The following SNX24 variants were observed in gnomAD, a reference collection of about 807,000 sequenced individuals.
SNX24 encodes sorting nexin-24.
In SNX24, 22 loss-of-function variants were observed where a neutral mutation model predicts 28.7. That is an observed-to-expected ratio of 0.77 (90% CI 0.55 to 1.10). The LOEUF (loss-of-function observed/expected upper bound fraction) is 1.10, where lower values mean the gene tolerates loss of function less well. Among genes scored for constraint, SNX24 ranks in the 50% least tolerant of loss-of-function variants. The probability of loss-of-function intolerance (pLI) is 0.00; values close to 1 mark genes in which losing one functional copy is unlikely to be tolerated. For synonymous variants in SNX24, 69 were observed against 71.5 expected (o/e 0.96, Z 0.18); for missense variants, 221 against 201.1 (o/e 1.10, Z -0.60).
chr5:122,944,695 C>T (rs1046892457), intron 2 of SNX24, among the ~76,000 whole-genome samples: 4 of 152,156 alleles, frequency 2.6e-5, no homozygotes, highest in African/African-American at 9.7e-5. Context: ...GCAAAGGTGG[C>T]CGCTCTGCTC....
chr5:122,963,545 G>C (rs1425902454), intron 3 of SNX24, among the ~76,000 whole-genome samples: 2 of 152,146 alleles, frequency 1.3e-5, no homozygotes, highest in Non-Finnish European at 2.9e-5. Flanking sequence ...GTCCTTTTAA[G>C]GTGGCTGTGG....
downstream of SNX24, among the ~76,000 whole-genome samples, chr5:123,010,860 T>TA (rs34318779): frequency 0.2 from 29,783 of 151,878 alleles, 3,857 homozygotes; most frequent in Non-Finnish European, 0.3. Flanking sequence ...TATTTTTTTT[T>TA]ATTTAACAAT....
At chr5:122,938,451 A>C in intron 2 of SNX24, among the ~76,000 whole-genome samples, 1 of 152,196 alleles carries the variant, frequency 6.6e-6, no homozygotes, top group Admixed American at 6.5e-5. Context: ...CTCAATTTTG[A>C]ATATTGTTGG....
At chr5:122,852,248 G>T (rs1754957680) in intron 1 of SNX24, among the ~76,000 whole-genome samples, 2 of 151,904 alleles carry the variant, frequency 1.3e-5, no homozygotes, top group African/African-American at 4.8e-5. Flanking sequence ...ATGTGCCGTG[G>T]TGGTTTGCTG....
At position 123,008,037 on chromosome 5, in the gene SNX24, C is replaced by T. The variant is rs1762477070; in HGVS notation, c.*288C>T. 1.8e-6 allele frequency: 2 copies of T among 1,102,986 alleles called. No individual in the cohort carries two copies. The highest frequency in any genetic ancestry group is 4.0e-4 in the Middle Eastern group (1 of 2,494). 68.3% of individuals were successfully genotyped at this position (1,102,986 alleles called of 1,614,324 possible). On this transcript the variant is annotated 3_prime_UTR_variant, in exon 7 of 7. Coordinates refer to ENST00000261369, the MANE Select transcript of SNX24 (RefSeq NM_014035.4). ...GGAGGCCACAGGAGATTCCTGGGAG[C>T]ACTGGGTGTAGCAAAACAAAGCCAC... is the stretch of plus-strand genomic sequence containing the variant.
intron 5 of SNX24, chr5:123,023,234 T>C (rs1762787736): frequency 6.6e-6 from 1 of 152,236 alleles, no homozygotes; most frequent in African/African-American, 2.4e-5. Context: ...ATATGAGATG[T>C]GGATGGGCAT....
chr5:122,936,155 G>A (rs1393051196), intron 1 of SNX24, among the ~76,000 whole-genome samples: 3 of 152,168 alleles, frequency 2.0e-5, no homozygotes, highest in Admixed American at 6.5e-5. Flanking sequence ...AGCACAAGCT[G>A]TCACTTGTAT....
At chr5:122,905,581 A>T (rs1028043573) in intron 1 of SNX24, among the ~76,000 whole-genome samples, 2 of 152,236 alleles carry the variant, frequency 1.3e-5, no homozygotes, top group African/African-American at 2.4e-5. Flanking sequence ...ATGCTCAACC[A>T]GTAAGTATAA....
At chr5:122,877,301 A>C (rs991648265) in intron 1 of SNX24, among the ~76,000 whole-genome samples, 2 of 152,232 alleles carry the variant, frequency 1.3e-5, no homozygotes, top group South Asian at 4.1e-4. Context: ...TGTGTGAAGA[A>C]AACAAGGCTG....
chr5:122,933,155 G>C (rs973891219), intron 1 of SNX24, among the ~76,000 whole-genome samples: 2 of 152,146 alleles, frequency 1.3e-5, no homozygotes, highest in Admixed American at 1.3e-4. Flanking sequence ...TGTTAAACTG[G>C]ACTAAAACAG....
In SNX24 at chr5:122,936,772, T is replaced by C; in HGVS notation, c.99T>C (p.His33=). The C allele has an allele frequency of 6.2e-7, 1 of 1,608,404 alleles. No individual in the cohort carries two copies. Among genetic ancestry groups the C allele is most frequent in the Non-Finnish European group, 8.5e-7 (1 of 1,175,960 alleles). ...AAGTGCTAATGAATGGAAGAAAACATTTTGTTGAAAAGAGATACAGCGAAT... is the reference window on the plus strand; with the variant it reads ...AAGTGCTAATGAATGGAAGAAAACACTTTGTTGAAAAGAGATACAGCGAAT... The part of the protein sequence containing the change: ...KIEVLMNGRK[H]FVEKRYSEFH... The change falls in exon 2 of 7, where the codon CAT becomes CAC. Residue 33 remains histidine, a synonymous_variant. Coordinates refer to ENST00000261369, the MANE Select transcript of SNX24 (RefSeq NM_014035.4).
At chr5:122,993,058 G>A (rs1032956083) in intron 3 of SNX24, among the ~76,000 whole-genome samples, 6 of 150,804 alleles carry the variant, frequency 4.0e-5, no homozygotes, top group Non-Finnish European at 7.4e-5. Context: ...GGCATTCAGC[G>A]TTTAGTGCAG....
intron 1 of SNX24, among the ~76,000 whole-genome samples, chr5:122,849,510 G>A (rs553416246): frequency 3.3e-5 from 5 of 150,714 alleles, no homozygotes; most frequent in Non-Finnish European, 4.4e-5. Flanking sequence ...ATCTAATTAG[G>A]TTTTTGCTAG....
intron 1 of SNX24, among the ~76,000 whole-genome samples, chr5:122,915,084 A>G (rs547044555): frequency 2.8e-4 from 43 of 152,288 alleles, no homozygotes; most frequent in Middle Eastern, 3.4e-3. Context: ...GAATATTTGC[A>G]TTATACTTAG....
At chr5:123,004,676 G>C (rs922211748) in intron 6 of SNX24, among the ~76,000 whole-genome samples, 1 of 152,142 alleles carries the variant, frequency 6.6e-6, no homozygotes, top group Admixed American at 6.5e-5. Context: ...CCAGGCTCAT[G>C]TTCCTACTGG....
intron 1 of SNX24, among the ~76,000 whole-genome samples, chr5:122,866,766 AG>A (rs1755739226): frequency 6.6e-6 from 1 of 152,220 alleles, no homozygotes. Flanking sequence ...TACATAGCAG[AG>A]CAATACATGG....
intron 1 of SNX24, among the ~76,000 whole-genome samples, chr5:122,860,681 C>T (rs895348649): frequency 2.0e-5 from 3 of 152,178 alleles, no homozygotes; most frequent in Non-Finnish European, 1.5e-5. Flanking sequence ...ACTGCAAGCT[C>T]TGCCTCCCGG....
intron 5 of SNX24, among the ~76,000 whole-genome samples, chr5:123,017,642 G>A (rs1430592527): frequency 2.6e-5 from 4 of 152,026 alleles, no homozygotes; most frequent in Non-Finnish European, 4.4e-5. Context: ...CTCGTGTTGT[G>A]GGAGGGACCC....
chr5:122,849,371 G>T (rs922012331), intron 1 of SNX24, among the ~76,000 whole-genome samples: 16 of 152,124 alleles, frequency 1.1e-4, no homozygotes, highest in South Asian at 1.0e-3. Flanking sequence ...GAGCTAGGCC[G>T]GGAAAGGTTA....
Sources: allele counts gnomAD v4.1 joint callset (sites outside exome capture counted in the v4.1 genomes callset), GRCh38; gene constraint gnomAD v4.1.1; transcripts MANE v1.5; gene names NCBI Gene and HGNC (gene_info 2026-07-23, HGNC 2026-07-21).